The following CAMTA1 variants were observed in gnomAD, a reference collection of about 807,000 sequenced individuals.
CAMTA1 encodes the protein calmodulin binding transcription activator 1.
In CAMTA1, 27 loss-of-function variants were observed where a neutral mutation model predicts 170.9. The ratio of observed to expected loss-of-function variants is 0.16; its 90% CI spans 0.12 to 0.22. CAMTA1 has a LOEUF of 0.22. Among genes scored for constraint, CAMTA1 ranks in the 10% least tolerant of loss-of-function variants. CAMTA1 has a pLI of 1.00. For synonymous variants in CAMTA1, 833 were observed against 891.5 expected (o/e 0.93, Z 1.17); for missense variants, 1,619 against 2,217.2 (o/e 0.73, Z 5.42).
At chr1:7,104,369 T>TAC (rs35873712) in intron 4 of CAMTA1, among the ~76,000 whole-genome samples, 36,687 of 150,764 alleles carry the variant, frequency 0.24, 4,591 homozygotes, top group Middle Eastern at 0.37. Flanking sequence ...TCAATACACA[T>TAC]ACACACACAC....
At chr1:7,189,316 G>A (rs1377212839) in intron 4 of CAMTA1, among the ~76,000 whole-genome samples, 1 of 152,146 alleles carries the variant, frequency 6.6e-6, no homozygotes, top group Non-Finnish European at 1.5e-5. Flanking sequence ...TGTAAGTGCT[G>A]GCATTGAGTG....
At chr1:7,147,855 C>CAA (rs1475383368) in intron 4 of CAMTA1, among the ~76,000 whole-genome samples, 67 of 136,720 alleles carry the variant, frequency 4.9e-4, no homozygotes, top group Non-Finnish European at 8.0e-4. Context: ...TGCACACACA[C>CAA]ACTCATACAC....
chr1:7,003,187 G>T (rs61780918), intron 3 of CAMTA1, among the ~76,000 whole-genome samples: 7,536 of 152,272 alleles, frequency 0.049, 268 homozygotes, highest in South Asian at 0.14. Flanking sequence ...CCAATCTGGG[G>T]GCAAAATTGC....
At chr1:7,712,792 T>C (rs1269460582) in intron 11 of CAMTA1, among the ~76,000 whole-genome samples, 1 of 152,082 alleles carries the variant, frequency 6.6e-6, no homozygotes, top group Non-Finnish European at 1.5e-5. Flanking sequence ...CAGTTCCACA[T>C]AGCTGGGGTG....
chr1:7,154,692 G>A (rs528627283), intron 4 of CAMTA1, among the ~76,000 whole-genome samples: 81 of 152,332 alleles, frequency 5.3e-4, no homozygotes, highest in African/African-American at 1.9e-3. Context: ...CCCGAGTTCC[G>A]GGATGCCCTC....
chr1:6,795,427 C>T (rs999426743), intron 1 of CAMTA1, among the ~76,000 whole-genome samples: 2 of 152,014 alleles, frequency 1.3e-5, no homozygotes, highest in Non-Finnish European at 2.9e-5. Context: ...CTCCTGGTCT[C>T]AAGCAGTCCG....
intron 3 of CAMTA1, among the ~76,000 whole-genome samples, chr1:6,917,022 G>A (rs1680955586): frequency 6.6e-6 from 1 of 152,178 alleles, no homozygotes; most frequent in Non-Finnish European, 1.5e-5. Context: ...TGAGCAAGTG[G>A]TGTCTAAGCT....
In CAMTA1 at chr1:7,144,198, G is replaced by T. The variant is rs1008941574; in HGVS notation, c.302+52827G>T. On this transcript the variant is annotated intron_variant, in intron 4 of 22. Transcript: ENST00000303635. The surrounding 1 kb of genome is among the most constrained non-coding windows in gnomAD (Gnocchi z 4.0). ...AGGGCTCTCTTTCTGGCTTGTGGAC[G>T]ACTGCCTTCTTGCTATGTCCTCAGA... is the stretch of plus-strand genomic sequence containing the variant. Among the ~76,000 whole-genome samples the T allele has an allele frequency of 3.3e-5, 5 of 152,106 alleles. No individual in the cohort carries two copies. Among genetic ancestry groups the T allele is most frequent in the Admixed American group, 2.6e-4 (4 of 15,274 alleles).
chr1:7,750,953 A>G (rs2096892369), intron 19 of CAMTA1: 2 of 646,618 alleles, frequency 3.1e-6, no homozygotes, highest in Non-Finnish European at 5.7e-6. Context: ...AAGAAGGGCA[A>G]GATATTTTGA....
At chr1:6,827,886 T>A (rs1165715687) in intron 3 of CAMTA1, among the ~76,000 whole-genome samples, 2 of 152,200 alleles carry the variant, frequency 1.3e-5, no homozygotes. Context: ...CATGAAGTAG[T>A]TGGCTTGTAT....
intron 5 of CAMTA1, among the ~76,000 whole-genome samples, chr1:7,417,176 G>A (rs1203120983): frequency 6.6e-6 from 1 of 152,262 alleles, no homozygotes; most frequent in Non-Finnish European, 1.5e-5. Context: ...TGAGGTGTCA[G>A]TCTGCCCCTA....
chr1:7,158,382 A>G (rs1363588857), intron 4 of CAMTA1, among the ~76,000 whole-genome samples: 1 of 152,204 alleles, frequency 6.6e-6, no homozygotes, highest in East Asian at 1.9e-4. Context: ...GAAAAGACAT[A>G]AAGTAACTTT....
rs546801591 is a variant in CAMTA1 at position 7,130,087 on chromosome 1, C to T, written c.302+38716C>T. On this transcript the variant is annotated intron_variant, in intron 4 of 22. Coordinates refer to ENST00000303635, the MANE Select transcript of CAMTA1 (RefSeq NM_015215.4). Reference sequence around the variant, plus strand: ...AAGTAGCTGGGACTACAGGCACGTGCGTCACTATGCCTGGCTAATTTTTGT... The same window carrying T: ...AAGTAGCTGGGACTACAGGCACGTGTGTCACTATGCCTGGCTAATTTTTGT... 1.1e-4 allele frequency among the ~76,000 whole-genome samples: 16 copies of T among 152,154 alleles called. No homozygotes were observed. The South Asian group carries it at 3.3e-3, about 32-fold the overall frequency.
chr1:7,166,411 A>G (rs1558193736), intron 4 of CAMTA1, among the ~76,000 whole-genome samples: 1 of 152,188 alleles, frequency 6.6e-6, no homozygotes, highest in Non-Finnish European at 1.5e-5. Flanking sequence ...GTTGGGTGGT[A>G]GAGTACCTAT....
At chr1:7,049,823 C>G (rs1331043050) in intron 3 of CAMTA1, among the ~76,000 whole-genome samples, 8 of 152,166 alleles carry the variant, frequency 5.3e-5, no homozygotes, top group African/African-American at 1.9e-4. Context: ...TTTATTCATC[C>G]CATGACTTAG....
At chr1:7,603,265 C>G (rs2095461285) in intron 6 of CAMTA1, among the ~76,000 whole-genome samples, 1 of 152,164 alleles carries the variant, frequency 6.6e-6, no homozygotes, top group East Asian at 1.9e-4. Flanking sequence ...ATTGATCTTT[C>G]TAATGTTGAC....
intron 3 of CAMTA1, among the ~76,000 whole-genome samples, chr1:7,055,561 C>G (rs1471826274): frequency 6.6e-6 from 1 of 152,234 alleles, no homozygotes; most frequent in Non-Finnish European, 1.5e-5. Context: ...ATTTCATCAG[C>G]AAGCATTCAC....
At position 7,328,359 on chromosome 1, in the gene CAMTA1, TG is replaced by T. The variant is rs2082821724; in HGVS notation, c.438+78735del. ...AAAAAAAATTCTTTTGCTCCTGTAGTGGTTATGCTCCTGTAGTCCCAGCTAC... is the reference window on the plus strand; with the variant it reads ...AAAAAAAATTCTTTTGCTCCTGTAGTGTTATGCTCCTGTAGTCCCAGCTAC... On this transcript the variant is annotated intron_variant, in intron 5 of 22. Coordinates refer to ENST00000303635, the MANE Select transcript of CAMTA1 (RefSeq NM_015215.4). 5.6e-4 allele frequency among the ~76,000 whole-genome samples: 34 copies of T among 60,262 alleles called. No individual in the cohort carries two copies. In the South Asian group the frequency reaches 0.016, roughly 28 times the overall value. 39.5% of individuals were successfully genotyped at this position (60,262 alleles called of 152,430 possible).
At chr1:6,995,655 T>C (rs1242583616) in intron 3 of CAMTA1, among the ~76,000 whole-genome samples, 1 of 152,218 alleles carries the variant, frequency 6.6e-6, no homozygotes, top group African/African-American at 2.4e-5. Context: ...ATCATTATTA[T>C]TCAAGTATGG....
Sources: gnomAD v4.1 joint callset for allele counts (sites outside exome capture counted in the v4.1 genomes callset) on GRCh38, gnomAD v4.1.1 for gene constraint, Gnocchi (gnomAD v3.1) non-coding constraint, MANE v1.5 for transcripts, NCBI Gene and HGNC (gene_info 2026-07-23, HGNC 2026-07-21) for gene names.